The following ABI1 variants were observed in gnomAD, a reference collection of about 807,000 sequenced individuals.
ABI1 encodes abl interactor 1.
In ABI1, 14 loss-of-function variants were observed where a neutral mutation model predicts 54.6. The observed-to-expected ratio is 0.26, with a 90% CI of 0.17 to 0.40. ABI1 has a LOEUF of 0.40. Ranked by LOEUF, ABI1 falls within the 10% of genes least tolerant of loss-of-function variation. ABI1 has a pLI of 1.00. For synonymous variants in ABI1, 194 were observed against 209.3 expected (o/e 0.93, Z 0.63); for missense variants, 443 against 598.3 (o/e 0.74, Z 2.71).
chr10:26,811,986 C>T (rs1488575277), intron 2 of ABI1, among the ~76,000 whole-genome samples: 1 of 152,138 alleles, frequency 6.6e-6, no homozygotes, highest in Non-Finnish European at 1.5e-5. Context: ...GTTCACTTGC[C>T]TCTTCGAGAT....
chr10:26,792,058 TAAACAATA>T, intron 2 of ABI1, among the ~76,000 whole-genome samples: 1 of 152,260 alleles, frequency 6.6e-6, no homozygotes, highest in South Asian at 2.1e-4. Flanking sequence ...CAAGCAAAAT[TAAACAATA>T]ATTGTTTAGT....
chr10:26,790,867 G>A (rs774403931), intron 2 of ABI1, among the ~76,000 whole-genome samples: 26 of 152,030 alleles, frequency 1.7e-4, no homozygotes, highest in Non-Finnish European at 3.1e-4. Context: ...CCAGGAATTC[G>A]AGACTAGCCT....
chr10:26,790,929 G>A (rs1047226715), intron 2 of ABI1, among the ~76,000 whole-genome samples: 33 of 151,930 alleles, frequency 2.2e-4, no homozygotes, highest in African/African-American at 8.0e-4. Flanking sequence ...AAATTTGCTG[G>A]GCATGGTGGC....
chr10:26,760,705 C>T (rs1839009764), intron 7 of ABI1, among the ~76,000 whole-genome samples: 1 of 151,900 alleles, frequency 6.6e-6, no homozygotes, highest in African/African-American at 2.4e-5. Flanking sequence ...GCCTGGCCAT[C>T]ATGGCGAAAA....
At chr10:26,822,921 C>T (rs973718358) in intron 2 of ABI1, among the ~76,000 whole-genome samples, 2 of 152,118 alleles carry the variant, frequency 1.3e-5, no homozygotes, top group African/African-American at 2.4e-5. Flanking sequence ...GAATTATACA[C>T]TTAAAAATGG....
At chr10:26,817,738 G>C (rs1042715534) in intron 2 of ABI1, among the ~76,000 whole-genome samples, 14 of 151,846 alleles carry the variant, frequency 9.2e-5, no homozygotes, top group African/African-American at 3.4e-4. Context: ...TAATAAACAG[G>C]GATAAAAAGC....
At chr10:26,782,853 T>C (rs556893675) in intron 2 of ABI1, among the ~76,000 whole-genome samples, 1 of 151,974 alleles carries the variant, frequency 6.6e-6, no homozygotes, top group Non-Finnish European at 1.5e-5. Flanking sequence ...ATGGTTACTA[T>C]CAAAAAAATC....
At chr10:26,835,263 A>T (rs2048987235) in intron 1 of ABI1, among the ~76,000 whole-genome samples, 1 of 152,084 alleles carries the variant, frequency 6.6e-6, no homozygotes, top group Non-Finnish European at 1.5e-5. Context: ...TATGAAGAAC[A>T]ATATGAAGAT....
chr10:26,766,627 A>G (rs1839987483), intron 6 of ABI1, among the ~76,000 whole-genome samples: 2 of 152,216 alleles, frequency 1.3e-5, no homozygotes, highest in African/African-American at 4.8e-5. Context: ...CAGGTGATCA[A>G]TACTTAGCTT....
chr10:26,815,207 C>G (rs1002812123), intron 2 of ABI1, among the ~76,000 whole-genome samples: 2 of 152,042 alleles, frequency 1.3e-5, no homozygotes, highest in African/African-American at 4.8e-5. Context: ...AATGCCCCCC[C>G]CAAAAGCCTG....
intron 2 of ABI1, among the ~76,000 whole-genome samples, chr10:26,797,351 C>T (rs912071368): frequency 6.6e-6 from 1 of 152,056 alleles, no homozygotes; most frequent in African/African-American, 2.4e-5. Context: ...ATGTAAAAAG[C>T]CTGGTATACA....
chr10:26,807,355 G>C (rs1454344382), intron 2 of ABI1, among the ~76,000 whole-genome samples: 2 of 152,046 alleles, frequency 1.3e-5, no homozygotes, highest in African/African-American at 4.8e-5. Flanking sequence ...CATGCCTGTA[G>C]TCCCAGCTAC....
chr10:26,773,215 C>CTTTTTTTTTTTTTTTTTTTTTTTTT (rs58739177), intron 3 of ABI1, among the ~76,000 whole-genome samples: 1,150 of 92,226 alleles, frequency 0.012, 227 homozygotes, highest in East Asian at 0.027. Flanking sequence ...AATGCTAATT[C>CTTTTTTTTTTTTTTTTTTTTTTTTT]TTTTTTTTTT....
intron 2 of ABI1, among the ~76,000 whole-genome samples, chr10:26,810,817 A>T (rs1266716956): frequency 9.6e-6 from 1 of 103,738 alleles, no homozygotes; most frequent in Non-Finnish European, 1.9e-5. Context: ...CTGTTCTTTT[A>T]AAAAAAAAAA....
chr10:26,777,066 T>C lies in ABI1; in HGVS notation c.461A>G (p.Lys154Arg). The C allele has an allele frequency of 6.3e-7, 1 of 1,586,064 alleles. No individual in the cohort carries two copies. The highest frequency in any genetic ancestry group is 1.9e-5 in the Admixed American group (1 of 51,894). The stretch of plus-strand genomic sequence containing the variant: ...GTTAATGTAATATAAAATGCTTACC[T>C]TGACACCATGGCCCACATCATCCAG... Reference protein sequence around the residue: ...TVLDDVGHGVKWLKAKHGNNQ... With the variant: ...TVLDDVGHGVRWLKAKHGNNQ... Residue 154 changes from lysine (K) to arginine (R), a missense_variant and splice_region_variant, in exon 3 of 11, where the codon AAG (lysine) becomes AGG (arginine). Lys to Arg is a conservative substitution (Grantham distance 26, BLOSUM62 2). Coordinates refer to ENST00000376140, the MANE Select transcript of ABI1 (RefSeq NM_001012750.3).
intron 2 of ABI1, among the ~76,000 whole-genome samples, chr10:26,792,527 T>C (rs575675361): frequency 6.6e-6 from 1 of 152,206 alleles, no homozygotes; most frequent in East Asian, 1.9e-4. Flanking sequence ...TGAATAAAAG[T>C]AAGTTGAACT....
At chr10:26,836,024 A>G (rs2049048381) in intron 1 of ABI1, among the ~76,000 whole-genome samples, 1 of 152,118 alleles carries the variant, frequency 6.6e-6, no homozygotes, top group Admixed American at 6.5e-5. Flanking sequence ...AACTGCTAGG[A>G]TTACAAGCAT....
chr10:26,858,548 A>C (rs1042663995), intron 1 of ABI1, among the ~76,000 whole-genome samples: 14 of 140,860 alleles, frequency 9.9e-5, no homozygotes, highest in Non-Finnish European at 1.6e-4. Context: ...AAAAAAAAAA[A>C]AAAAAAAAAA....
chr10:26,840,794 C>T (rs1198262983), intron 1 of ABI1, among the ~76,000 whole-genome samples: 7 of 151,938 alleles, frequency 4.6e-5, no homozygotes, highest in Non-Finnish European at 8.8e-5. Context: ...ACATCAGATC[C>T]CAGGCAAATA....
Sources: gnomAD v4.1 joint callset for allele counts (sites outside exome capture counted in the v4.1 genomes callset) on GRCh38, gnomAD v4.1.1 for gene constraint, MANE v1.5 for transcripts, NCBI Gene and HGNC (gene_info 2026-07-23, HGNC 2026-07-21) for gene names.